The following CCDC7 variants were observed in gnomAD, a reference collection of about 807,000 sequenced individuals.
The protein encoded by CCDC7 is coiled-coil domain containing 7.
A neutral mutation model predicts 196.9 loss-of-function variants in CCDC7; 183 were observed. The ratio of observed to expected loss-of-function variants is 0.93; its 90% CI spans 0.82 to 1.05. The LOEUF is 1.05. Among genes scored for constraint, CCDC7 ranks in the 50% least tolerant of loss-of-function variants. CCDC7 has a pLI of 0.00. For synonymous variants in CCDC7, 525 were observed against 484.6 expected, an observed-to-expected ratio of 1.08 and a Z score of -1.10; for missense variants, 1,540 against 1,482.2, an observed-to-expected ratio of 1.04 and a Z score of -0.64.
At chr10:32,487,664 G>A (rs2041398675) in intron 8 of CCDC7, among the ~76,000 whole-genome samples, 1 of 152,116 alleles carries the variant, frequency 6.6e-6, no homozygotes, top group Non-Finnish European at 1.5e-5. Flanking sequence ...TGGGGTTTTG[G>A]TGTGGATGTC....
intron 11 of CCDC7, among the ~76,000 whole-genome samples, chr10:32,542,136 A>G (rs1331188090): frequency 6.6e-6 from 1 of 152,214 alleles, no homozygotes; most frequent in African/African-American, 2.4e-5. Flanking sequence ...AAAATTTTTA[A>G]TAATCTAATT....
intron 40 of CCDC7, among the ~76,000 whole-genome samples, chr10:32,852,182 G>T (rs2093589102): frequency 6.6e-6 from 1 of 152,050 alleles, no homozygotes; most frequent in Non-Finnish European, 1.5e-5. Flanking sequence ...TTCTTGTCTT[G>T]TTGACTACTG....
intron 31 of CCDC7, among the ~76,000 whole-genome samples, chr10:32,817,202 G>A (rs2088881873): frequency 6.6e-6 from 1 of 152,214 alleles, no homozygotes; most frequent in Admixed American, 6.5e-5. Flanking sequence ...ACAAGCCTGA[G>A]TAGCCGATTT....
At chr10:32,634,692 G>A (rs1300683072) in intron 19 of CCDC7, among the ~76,000 whole-genome samples, 1 of 152,140 alleles carries the variant, frequency 6.6e-6, no homozygotes, top group African/African-American at 2.4e-5. Context: ...ACTGCACTTG[G>A]CCCTTCACAC....
intron 8 of CCDC7, among the ~76,000 whole-genome samples, chr10:32,485,092 C>T (rs963553793): frequency 3.9e-5 from 6 of 152,176 alleles, no homozygotes; most frequent in African/African-American, 7.2e-5. Flanking sequence ...CCTCCTTGTA[C>T]CTCTGGTAGA....
chr10:32,826,103 C>T (rs574790436), intron 32 of CCDC7, among the ~76,000 whole-genome samples: 2 of 152,284 alleles, frequency 1.3e-5, no homozygotes, highest in South Asian at 2.1e-4. Flanking sequence ...AGGCAGTTGC[C>T]AGGCAAGATA....
At chr10:32,734,207 A>G (rs1360927163) in intron 28 of CCDC7, among the ~76,000 whole-genome samples, 1 of 152,228 alleles carries the variant, frequency 6.6e-6, no homozygotes, top group African/African-American at 2.4e-5. Flanking sequence ...AATTATCTGT[A>G]TAAAGAAAAT....
rs963375171 is a variant in CCDC7, at chr10:32,518,199, ATATCC to A, written c.904-214_904-210del. ...TTCACTTCTGAAATACTAAACTATA[ATATCC>A]TACAGTCATCTGAATAGTTCCAGTC... is the stretch of plus-strand genomic sequence containing the variant. On this transcript the variant is annotated intron_variant, in intron 10 of 41. Coordinates refer to ENST00000639629, the Ensembl canonical transcript of CCDC7. Among the ~76,000 whole-genome samples, 104 of 152,250 alleles carry A rather than the reference ATATCC, an allele frequency of 6.8e-4. 1 individual carries two copies. Among genetic ancestry groups the A allele is most frequent in the Middle Eastern group, 3.4e-3 (1 of 294 alleles).
At chr10:32,795,839 G>A (rs890613710) in intron 29 of CCDC7, among the ~76,000 whole-genome samples, 3 of 152,170 alleles carry the variant, frequency 2.0e-5, no homozygotes, top group South Asian at 4.2e-4. Context: ...CAAAGTGGGG[G>A]TTCCCAAAGG....
chr10:32,825,841 G>A (rs961298670), intron 32 of CCDC7, among the ~76,000 whole-genome samples: 1 of 152,170 alleles, frequency 6.6e-6, no homozygotes, highest in Non-Finnish European at 1.5e-5. Flanking sequence ...GGTGTCTACT[G>A]TTAAAGTGAG....
chr10:32,737,810 T>C (rs1488129748), intron 28 of CCDC7, among the ~76,000 whole-genome samples: 2 of 152,190 alleles, frequency 1.3e-5, no homozygotes, highest in Non-Finnish European at 2.9e-5. Context: ...TGCTCTGAAG[T>C]CCACATTGTC....
At chr10:32,740,842 A>G (rs757946369) in intron 28 of CCDC7, among the ~76,000 whole-genome samples, 1 of 151,906 alleles carries the variant, frequency 6.6e-6, no homozygotes, top group Non-Finnish European at 1.5e-5. Flanking sequence ...TGTTTCTTTT[A>G]AAGTAACCTT....
intron 23 of CCDC7, among the ~76,000 whole-genome samples, chr10:32,693,642 A>G (rs2077342135): frequency 6.6e-6 from 1 of 152,134 alleles, no homozygotes; most frequent in African/African-American, 2.4e-5. Context: ...ACATTGTTTG[A>G]TTATAATGTT....
chr10:32,563,449 G>A (rs1247460185), intron 13 of CCDC7, among the ~76,000 whole-genome samples: 9 of 152,154 alleles, frequency 5.9e-5, no homozygotes, highest in Non-Finnish European at 1.0e-4. Flanking sequence ...TACCAAAACA[G>A]AGATATAGAT....
chr10:32,444,850 GTT>G (rs59116319), upstream of CCDC7, among the ~76,000 whole-genome samples: 2,215 of 140,284 alleles, frequency 0.016, 34 homozygotes, highest in African/African-American at 0.053. Context: ...ATGCCTTCAT[GTT>G]TTTTTTTTTT....
chr10:32,653,988 T>A (rs1429249560), intron 20 of CCDC7, among the ~76,000 whole-genome samples: 1 of 152,238 alleles, frequency 6.6e-6, no homozygotes, highest in African/African-American at 2.4e-5. Flanking sequence ...TTGTACCAAT[T>A]TCTGAGGCTC....
At chr10:32,676,346 C>A (rs1362073979) in intron 21 of CCDC7, among the ~76,000 whole-genome samples, 1 of 151,962 alleles carries the variant, frequency 6.6e-6, no homozygotes, top group Non-Finnish European at 1.5e-5. Flanking sequence ...AAAGCAATGG[C>A]AACAAAGCCA....
intron 24 of CCDC7, among the ~76,000 whole-genome samples, chr10:32,699,660 A>G (rs561046605): frequency 6.7e-6 from 1 of 149,490 alleles, no homozygotes; most frequent in Non-Finnish European, 1.5e-5. Context: ...ACTAGTTTAC[A>G]GTCCCACCAA....
intron 28 of CCDC7, among the ~76,000 whole-genome samples, chr10:32,753,505 A>G (rs764337701): frequency 6.6e-6 from 1 of 152,178 alleles, no homozygotes; most frequent in Non-Finnish European, 1.5e-5. Flanking sequence ...AGAGTAAGAC[A>G]TGGAGTAACT....
Sources: allele counts gnomAD v4.1 joint callset (sites outside exome capture counted in the v4.1 genomes callset), GRCh38; gene constraint gnomAD v4.1.1; transcripts MANE v1.5; gene names NCBI Gene and HGNC (gene_info 2026-07-23, HGNC 2026-07-21).